The following LINGO2 variants were observed in gnomAD, a reference collection of about 807,000 sequenced individuals.
LINGO2 encodes the protein leucine-rich repeat and immunoglobulin-like domain-containing nogo receptor-interacting protein 2.
LINGO2 carries 14 observed loss-of-function variants against 30.6 expected under a neutral mutation model. The observed-to-expected ratio is 0.46, with a 90% CI of 0.30 to 0.72. The LOEUF (loss-of-function observed/expected upper bound fraction) is 0.72, where lower values mean the gene tolerates loss of function less well. Among genes scored for constraint, LINGO2 ranks in the 30% least tolerant of loss-of-function variants. The pLI, the probability that LINGO2 is intolerant of heterozygous loss-of-function variation, is 0.07. For missense variants in LINGO2, 729 were observed against 751.7 expected, an observed-to-expected ratio of 0.97 and a Z score of 0.35; for synonymous variants, 317 against 288.5, an observed-to-expected ratio of 1.10 and a Z score of -1.00.
chr9:28,705,116 C>T, the LINGO2 span, among the ~76,000 whole-genome samples: 1 of 151,922 alleles, frequency 6.6e-6, no homozygotes, highest in East Asian at 1.9e-4. Context: ...TGAGTTTCTC[C>T]ATGTTGCCCA....
chr9:28,152,421 C>T (rs1255989802), intron 4 of LINGO2, among the ~76,000 whole-genome samples: 2 of 152,092 alleles, frequency 1.3e-5, no homozygotes, highest in Non-Finnish European at 2.9e-5. Flanking sequence ...GATGCCAGCG[C>T]GCCATGGTTC....
At chr9:29,183,207 G>T in the LINGO2 span, among the ~76,000 whole-genome samples, 1 of 152,162 alleles carries the variant, frequency 6.6e-6, no homozygotes, top group East Asian at 1.9e-4. Flanking sequence ...AACTGCCACA[G>T]CCCAGAGACA....
intron 1 of LINGO2, among the ~76,000 whole-genome samples, chr9:28,568,695 A>G (rs1317719832): frequency 8.6e-6 from 1 of 116,140 alleles, no homozygotes; most frequent in Admixed American, 8.2e-5. Flanking sequence ...TATATATTGA[A>G]AATGCTGAAA....
chr9:28,161,448 A>G (rs1342026956), intron 4 of LINGO2, among the ~76,000 whole-genome samples: 2 of 152,180 alleles, frequency 1.3e-5, no homozygotes, highest in Admixed American at 6.5e-5. Context: ...TCATTCAGTA[A>G]TAAGTGAAAT....
chr9:28,263,569 C>T (rs1012946310), intron 4 of LINGO2, among the ~76,000 whole-genome samples: 10 of 151,850 alleles, frequency 6.6e-5, no homozygotes, highest in African/African-American at 2.2e-4. Flanking sequence ...TGGGTTTATC[C>T]CCAAATATGA....
intron 1 of LINGO2, among the ~76,000 whole-genome samples, chr9:28,586,031 G>GT (rs34131183): frequency 0.58 from 86,637 of 149,690 alleles, 25,245 homozygotes; most frequent in Middle Eastern, 0.64. Context: ...CATTAATTTT[G>GT]TTTTTTTTTG....
intron 4 of LINGO2, among the ~76,000 whole-genome samples, chr9:28,143,686 T>C (rs1028676278): frequency 2.6e-5 from 4 of 151,168 alleles, no homozygotes; most frequent in Non-Finnish European, 5.9e-5. Context: ...GTGTTTAACA[T>C]AGAACAAACA....
the LINGO2 span, among the ~76,000 whole-genome samples, chr9:28,843,058 T>C: frequency 6.6e-6 from 1 of 151,892 alleles, no homozygotes; most frequent in East Asian, 1.9e-4. Flanking sequence ...CTACGACAAC[T>C]AATGACAGCA....
chr9:28,606,162 T>A (rs1025021775), intron 1 of LINGO2, among the ~76,000 whole-genome samples: 5 of 152,036 alleles, frequency 3.3e-5, no homozygotes, highest in African/African-American at 4.8e-5. Context: ...TGTTTTGATA[T>A]GTCTGCTACC....
the LINGO2 span, among the ~76,000 whole-genome samples, chr9:28,886,056 T>C: frequency 2.0e-5 from 3 of 152,216 alleles, no homozygotes; most frequent in Admixed American, 2.0e-4. Context: ...ACAAAAATTT[T>C]ATTTTAAGTA....
At chr9:28,893,160 A>G in the LINGO2 span, among the ~76,000 whole-genome samples, 2 of 151,982 alleles carry the variant, frequency 1.3e-5, no homozygotes, top group African/African-American at 2.4e-5. Flanking sequence ...AGCATTATTA[A>G]CAGTTTAACA....
chr9:29,124,329 T>C, the LINGO2 span, among the ~76,000 whole-genome samples: 1 of 152,162 alleles, frequency 6.6e-6, no homozygotes, highest in Non-Finnish European at 1.5e-5. Flanking sequence ...ACCTAGGCAA[T>C]ACCATTCAAG....
At chr9:28,100,314 T>C (rs1017112527) in intron 4 of LINGO2, among the ~76,000 whole-genome samples, 2 of 152,158 alleles carry the variant, frequency 1.3e-5, no homozygotes, top group South Asian at 2.1e-4. Context: ...TCTTAGCATG[T>C]GCTAGGCACT....
the LINGO2 span, among the ~76,000 whole-genome samples, chr9:28,790,325 C>CTTTTTTTTTTTTTTTTTTTTTTTT: frequency 3.6e-4 from 38 of 106,298 alleles, 1 homozygote; most frequent in South Asian, 1.1e-3. Context: ...TCTTTTCTTT[C>CTTTTTTTTTTTTTTTTTTTTTTTT]TTTTTTTTTT....
At chr9:28,262,890 T>C (rs1396877225) in intron 4 of LINGO2, among the ~76,000 whole-genome samples, 2 of 151,928 alleles carry the variant, frequency 1.3e-5, no homozygotes, top group African/African-American at 4.8e-5. Flanking sequence ...ATAAAGCAAA[T>C]GGTAGACTAA....
chr9:28,039,707 C>T (rs928156993), intron 4 of LINGO2, among the ~76,000 whole-genome samples: 25 of 152,060 alleles, frequency 1.6e-4, no homozygotes, highest in African/African-American at 6.0e-4. Context: ...CTAACTCAAT[C>T]ATGGCAAGTC....
chr9:28,498,980 T>G (rs888494788), intron 1 of LINGO2, among the ~76,000 whole-genome samples: 1 of 152,156 alleles, frequency 6.6e-6, no homozygotes, highest in Non-Finnish European at 1.5e-5. Flanking sequence ...TTTTTTTTTG[T>G]CTTTAAATAT....
the LINGO2 span, among the ~76,000 whole-genome samples, chr9:29,024,660 G>A: frequency 6.6e-6 from 1 of 152,082 alleles, no homozygotes; most frequent in Non-Finnish European, 1.5e-5. Flanking sequence ...TAGAGTAGGA[G>A]GGAAAATCAG....
chr9:28,999,129 T>G, the LINGO2 span, among the ~76,000 whole-genome samples: 1 of 152,108 alleles, frequency 6.6e-6, no homozygotes, highest in East Asian at 1.9e-4. Context: ...GATTATACTT[T>G]TGAACAAGAT....
Sources: allele counts gnomAD v4.1 joint callset (sites outside exome capture counted in the v4.1 genomes callset), GRCh38; gene constraint gnomAD v4.1.1; transcripts MANE v1.5; gene names NCBI Gene and HGNC (gene_info 2026-07-23, HGNC 2026-07-21).